PSD: variants seen among roughly 807,000 people sequenced by gnomAD.
The protein encoded by PSD is pleckstrin and Sec7 domain containing.
In PSD, 32 loss-of-function variants were observed where a neutral mutation model predicts 91.6. The ratio of observed to expected loss-of-function variants is 0.35; its 90% CI spans 0.26 to 0.47. The LOEUF (loss-of-function observed/expected upper bound fraction) is 0.47. Among genes scored for constraint, PSD ranks in the 20% least tolerant of loss-of-function variants. The pLI, the probability that PSD is intolerant of heterozygous loss-of-function variation, is 1.00. For missense variants in PSD, 1,099 were observed against 1,373.9 expected, an observed-to-expected ratio of 0.80 and a Z score of 3.16; for synonymous variants, 532 against 569.3, an observed-to-expected ratio of 0.93 and a Z score of 0.93.
At chr10:102,419,818 C>T, upstream of PSD, 1 of 196,772 alleles carries the variant, frequency 5.1e-6, no homozygotes, top group South Asian at 5.5e-5. The surrounding 1 kb of genome is among the most constrained non-coding windows in gnomAD (Gnocchi z 4.8). Flanking sequence ...GGGGTCTGTC[C>T]TCCCAGCTAC....
chr10:102,418,414 T>C (rs1000325831), intron 1 of PSD, among the ~76,000 whole-genome samples: 10 of 151,940 alleles, frequency 6.6e-5, no homozygotes, highest in African/African-American at 2.4e-4. Flanking sequence ...GATGTACACA[T>C]ACAGATGTAC....
At chr10:102,417,370 G>A (rs544775350) in intron 1 of PSD, among the ~76,000 whole-genome samples, 46 of 152,272 alleles carry the variant, frequency 3.0e-4, no homozygotes, top group African/African-American at 1.1e-3. Flanking sequence ...CACCCTGGGA[G>A]GAGAGAGGAA....
chr10:102,412,520 C>T lies in PSD; in HGVS notation c.1609G>A (p.Glu537Lys). 6.2e-7 allele frequency: 1 copy of T among 1,614,008 alleles called. No individual in the cohort carries two copies. The highest frequency in any genetic ancestry group is 8.5e-7 in the Non-Finnish European group (1 of 1,180,008). The change falls in exon 6 of 17, where the codon GAG becomes AAG. Residue 537 changes from glutamate (E) to lysine (K), a missense_variant. Glu to Lys is a moderately conservative substitution (Grantham distance 56). Coordinates refer to ENST00000020673, the MANE Select transcript of PSD (RefSeq NM_002779.5). ...TCTGTGCTTCCCAGGGCCAGCCGCT[C>T]TGTGCTGTCCAGCTCTGAGTCTGAG... ...SDSDSELDST[E>K]RLALGSTDTL...
Position 102,410,760 on chromosome 10 carries a change from A to G in PSD, c.2091+98T>C. The G allele has an allele frequency of 1.0e-6, 1 of 955,312 alleles. No individual in the cohort carries two copies. Among genetic ancestry groups the G allele is most frequent in the Non-Finnish European group, 1.7e-6 (1 of 597,986 alleles). 59.2% of individuals were successfully genotyped at this position (955,312 alleles called of 1,614,324 possible). On this transcript the variant is annotated intron_variant, in intron 10 of 16. Transcript: ENST00000020673. This position sits in a 1 kb window ranked among gnomAD's most constrained non-coding sequence, Gnocchi z 6.0. ...TCCGTGGCAGGAGCCGGGGGTCGGC[A>G]AGCCCCAGCCCTGCCCTCCCTCCGA...
chr10:102,418,828 A>ACG, upstream of PSD: 1 of 181,942 alleles, frequency 5.5e-6, no homozygotes, highest in Non-Finnish European at 1.1e-5. Flanking sequence ...CCTACCCCCT[A>ACG]CGCGCCGCTC....
At position 102,411,691 on chromosome 10, in the gene PSD, T is replaced by C; in HGVS notation, c.1942+16A>G. On this transcript the variant is annotated intron_variant, in intron 8 of 16. Transcript: ENST00000020673. ...TGTGGCCAGCTAAGGACACCCCTGC[T>C]CTCGGAACTCCTCACCCTCTGAGGA... 6.2e-7 allele frequency: 1 copy of C among 1,602,264 alleles called. No individual in the cohort carries two copies. Among genetic ancestry groups the C allele is most frequent in the Non-Finnish European group, 8.5e-7 (1 of 1,172,720 alleles).
At chr10:102,418,625 G>C in intron 1 of PSD, 76 bp downstream of exon 1, 1 of 439,738 alleles carries the variant, frequency 2.3e-6, no homozygotes, top group African/African-American at 2.0e-5. Flanking sequence ...AACCCTGCCA[G>C]GCAGGTTCCG....
At position 102,416,563 on chromosome 10, in the gene PSD, A is replaced by G; in HGVS notation, c.476T>C (p.Leu159Pro). ...TAGGGCCGAGCCTCCTCTGGCGGGG[A>G]GTGGGTCTGATGTGGATGCTTCCAG... is the stretch of plus-strand genomic sequence containing the variant. ...LRLEASTSDP[L>P]PARGGSALPG... The change falls in exon 2 of 17, where the codon CTC becomes CCC. Residue 159 changes from leucine (L) to proline (P), a missense_variant. Physicochemically the swap from Leu to Pro is moderately conservative, Grantham distance 98. This residue lies in a region of PSD where 631 missense variants were observed against 728.8 expected (regional missense o/e 0.87). Transcript: ENST00000020673. This position sits in a 1 kb window ranked among gnomAD's most constrained non-coding sequence, Gnocchi z 6.0. 6.2e-7 allele frequency: 1 copy of G among 1,603,430 alleles called. No individual in the cohort carries two copies. Among genetic ancestry groups the G allele is most frequent in the Non-Finnish European group, 8.5e-7 (1 of 1,174,866 alleles).
At chr10:102,419,176 G>A (rs1326939765), upstream of PSD, 1 of 220,604 alleles carries the variant, frequency 4.5e-6, no homozygotes, top group East Asian at 1.3e-4. This position sits in a 1 kb window ranked among gnomAD's most constrained non-coding sequence, Gnocchi z 4.8. Context: ...ACGAGCACGC[G>A]GCCGCGCCAA....
chr10:102,418,967 G>A, upstream of PSD: 1 of 344,340 alleles, frequency 2.9e-6, no homozygotes, highest in Non-Finnish European at 5.8e-6. Context: ...CAGACAAGGA[G>A]GAGGGCGCAT....
Position 102,410,984 on chromosome 10 carries a change from C to T in PSD, c.2002-37G>A. ...AACGGAGGCCTGTGAGTTTGGAGGGCCCTTGGCCTCCCAGGTCCTGCATGT... is the reference window on the plus strand; with the variant it reads ...AACGGAGGCCTGTGAGTTTGGAGGGTCCTTGGCCTCCCAGGTCCTGCATGT... On this transcript the variant is annotated intron_variant, in intron 9 of 16. Coordinates refer to ENST00000020673, the MANE Select transcript of PSD (RefSeq NM_002779.5). This position sits in a 1 kb window ranked among gnomAD's most constrained non-coding sequence, Gnocchi z 6.0. 2 of 1,612,428 alleles carry T rather than the reference C, an allele frequency of 1.2e-6. No homozygotes were observed. The highest frequency in any genetic ancestry group is 1.7e-6 in the Non-Finnish European group (2 of 1,178,458).
Position 102,416,606 on chromosome 10 carries a change from A to G in PSD, c.433T>C (p.Ser145Pro). 6.3e-7 allele frequency: 1 copy of G among 1,596,378 alleles called. No individual in the cohort carries two copies. Among genetic ancestry groups the G allele is most frequent in the Non-Finnish European group, 8.5e-7 (1 of 1,170,982 alleles). ...GCTTCCAGCCGTAACTTCCGGTTGG[A>G]GCCAGGCCCAAGGGCTGGGGTGGGC... ...PRPTPALGPG[S>P]NRKLRLEAST... is the part of the protein sequence containing the mutation. The change falls in exon 2 of 17, where the codon TCC (serine) becomes CCC (proline). Residue 145 changes from serine to proline, a missense_variant. By Grantham distance (74) the Ser-to-Pro change is moderately conservative (BLOSUM62 -1). Transcript: ENST00000020673. This position sits in a 1 kb window ranked among gnomAD's most constrained non-coding sequence, Gnocchi z 6.0.
At position 102,404,589 on chromosome 10, in the gene PSD, G is replaced by T; in HGVS notation, c.2694C>A (p.Leu898=). 1 of 1,610,212 alleles carries T rather than the reference G, an allele frequency of 6.2e-7. No homozygotes were observed. The highest frequency in any genetic ancestry group is 2.2e-5 in the East Asian group (1 of 44,868). ...TGGACAGAGCTTGGGCTACCTGGGA[G>T]AGGCGGGTGGCAGCGCTGGGCAGGA... ...RPLLPSAATR[L]SQEEQVRTHE... The change falls in exon 15 of 17, where the codon CTC becomes CTA. Residue 898 remains leucine, a synonymous_variant. Coordinates refer to ENST00000020673, the MANE Select transcript of PSD (RefSeq NM_002779.5). The surrounding 1 kb of genome is among the most constrained non-coding windows in gnomAD (Gnocchi z 5.7).
rs1205960172 is a variant in PSD at position 102,413,892 on chromosome 10, G to A, written c.1430C>T (p.Pro477Leu). Residue 477 changes from proline to leucine, a missense_variant, in exon 5 of 17, where the codon CCT becomes CTT. Pro to Leu is a moderately conservative substitution (Grantham distance 98). Transcript: ENST00000020673. ...CTCCTCCTCCCCTCTCTGTGTCCAA[G>A]GACCATCAGCAGCAGAGCTGGTACC... is the stretch of plus-strand genomic sequence containing the variant. ...DSGTSSAADGPWTQRGEEEEA... is the reference protein window; with the variant it reads ...DSGTSSAADGLWTQRGEEEEA... The A allele has an allele frequency of 6.2e-7, 1 of 1,614,064 alleles. No individual in the cohort carries two copies. The highest frequency in any genetic ancestry group is 2.2e-5 in the East Asian group (1 of 44,864).
intron 5 of PSD, 115 bp downstream of exon 5, chr10:102,413,654 C>A (rs753378548): frequency 9.1e-6 from 10 of 1,096,176 alleles, no homozygotes; most frequent in Middle Eastern, 4.2e-4. Flanking sequence ...CTTAACCACC[C>A]CTACTCAGGG....
chr10:102,410,794 T>C lies in PSD; in HGVS notation c.2091+64A>G. 2 of 1,096,090 alleles carry C rather than the reference T, an allele frequency of 1.8e-6. No individual in the cohort carries two copies. Among genetic ancestry groups the C allele is most frequent in the Non-Finnish European group, 2.8e-6 (2 of 722,912 alleles). The allele number at this position is 1,096,090 out of a possible 1,614,324, so 67.9% of individuals were successfully genotyped here. A position where few individuals can be genotyped will look rare whatever the true frequency, so the allele number is the denominator to read the frequency against. ...CCCTGCCCTCCCTCCGACTCTGGAC[T>C]CCGTCGCCGACTGGGTCCTCCATCC... On this transcript the variant is annotated intron_variant, in intron 10 of 16. Transcript: ENST00000020673. The surrounding 1 kb of genome is among the most constrained non-coding windows in gnomAD (Gnocchi z 6.0).
At position 102,414,091 on chromosome 10, in the gene PSD, C is replaced by A. The variant is rs1158563913; in HGVS notation, c.1231G>T (p.Glu411Ter). ...GAGGTGCCTTTGGCCCGGTGTGACT[C>A]CAGGATGGCTTCGAACACACAACTG... ...SFSCVFEAIL[E>*]SHRAKGTSYT... Residue 411 changes from glutamate (E) to a stop codon, truncating the protein, a stop_gained, in exon 5 of 17, where the codon GAG (glutamate) becomes TAG (stop). Coordinates refer to ENST00000020673, the MANE Select transcript of PSD (RefSeq NM_002779.5). LOFTEE classifies it high-confidence loss of function. The surrounding 1 kb of genome is among the most constrained non-coding windows in gnomAD (Gnocchi z 5.6). 6.2e-7 allele frequency: 1 copy of A among 1,614,010 alleles called. No homozygotes were observed. Among genetic ancestry groups the A allele is most frequent in the Admixed American group, 1.7e-5 (1 of 60,008 alleles).
Position 102,411,191 on chromosome 10 carries a change from T to C in PSD, c.1943-75A>G. 2.8e-6 allele frequency: 4 copies of C among 1,434,984 alleles called. No individual in the cohort carries two copies. In the South Asian group the frequency reaches 3.9e-5, roughly 14 times the overall value. 88.9% of individuals were successfully genotyped at this position (1,434,984 alleles called of 1,614,324 possible). A position where few individuals can be genotyped will look rare whatever the true frequency, so the allele number is the denominator to read the frequency against. On this transcript the variant is annotated intron_variant, in intron 8 of 16. Coordinates refer to ENST00000020673, the MANE Select transcript of PSD (RefSeq NM_002779.5). ...CACAGCCATCTTCCCCAACCTCCCA[T>C]TTCATCCCCACCCCCTTTGGCCGGC...
At chr10:102,406,386 CT>C (rs1305095107) in intron 11 of PSD, among the ~76,000 whole-genome samples, 1 of 152,206 alleles carries the variant, frequency 6.6e-6, no homozygotes, top group Admixed American at 6.5e-5. Flanking sequence ...GATCTATGAA[CT>C]GTGAAGATAA....
Sources: allele counts gnomAD v4.1 joint callset (sites outside exome capture counted in the v4.1 genomes callset), GRCh38; gene constraint gnomAD v4.1.1; regional missense constraint gnomAD v4.1.1; non-coding constraint Gnocchi (gnomAD v3.1); transcripts MANE v1.5; gene names NCBI Gene and HGNC (gene_info 2026-07-23, HGNC 2026-07-21).